TBC1D21: variants seen among roughly 807,000 people sequenced by gnomAD.
TBC1D21 encodes the protein TBC1 domain family member 21.
TBC1D21 carries 38 observed loss-of-function variants against 46.0 expected under a neutral mutation model. The observed-to-expected ratio is 0.83, with a 90% CI of 0.64 to 1.08. TBC1D21 has a LOEUF of 1.08. Ranked by LOEUF, TBC1D21 falls within the 50% of genes least tolerant of loss-of-function variation. The pLI, the probability that TBC1D21 is intolerant of heterozygous loss-of-function variation, is 0.00. For synonymous variants in TBC1D21, 151 were observed against 157.2 expected, an observed-to-expected ratio of 0.96 and a Z score of 0.29; for missense variants, 415 against 417.9, an observed-to-expected ratio of 0.99 and a Z score of 0.06.
At chr15:73,898,881 AT>A in the TBC1D21 span, among the ~76,000 whole-genome samples, 1,541 of 54,218 alleles carry the variant, frequency 0.028, 32 homozygotes, top group African/African-American at 0.052. Flanking sequence ...AAAAAAAAAA[AT>A]ATATATATAT....
rs142165869 is a variant in TBC1D21, at chr15:73,883,423, G to T, written c.273-728G>T. 3.1e-3 allele frequency among the ~76,000 whole-genome samples: 474 copies of T among 152,342 alleles called. 4 individuals carry two copies. Among genetic ancestry groups the T allele is most frequent in the South Asian group, 8.5e-3 (41 of 4,826 alleles). On this transcript the variant is annotated intron_variant, in intron 3 of 10. Transcript: ENST00000300504. Reference sequence around the variant, plus strand: ...GTGTTGGCTCCTTCCAAAGGCTCTAGGGTAGAACCCTTCCTTACCTCCCAG... The same window carrying T: ...GTGTTGGCTCCTTCCAAAGGCTCTATGGTAGAACCCTTCCTTACCTCCCAG...
chr15:73,893,055 G>A (rs921544449), downstream of TBC1D21, among the ~76,000 whole-genome samples: 2 of 152,150 alleles, frequency 1.3e-5, no homozygotes, highest in African/African-American at 4.8e-5. Flanking sequence ...TCTGGTGGTG[G>A]TAATGATGTC....
chr15:73,898,578 T>C, the TBC1D21 span, among the ~76,000 whole-genome samples: 37 of 152,130 alleles, frequency 2.4e-4, no homozygotes, highest in African/African-American at 7.2e-4. Context: ...ATTGTTTCAA[T>C]GTGGGCTGGG....
At chr15:73,881,266 A>C in intron 1 of TBC1D21, 133 bp from the exon 2 acceptor site, 1 of 639,430 alleles carries the variant, frequency 1.6e-6, no homozygotes, top group Non-Finnish European at 2.7e-6. Flanking sequence ...TAATGTCCTC[A>C]AGATAGATTT....
chr15:73,890,333 T>C (rs1421829585), downstream of TBC1D21, among the ~76,000 whole-genome samples: 1 of 152,070 alleles, frequency 6.6e-6, no homozygotes, highest in Non-Finnish European at 1.5e-5. Flanking sequence ...TGCTGGAAGG[T>C]TGAGGGGGAA....
chr15:73,898,863 C>CAAAA, the TBC1D21 span, among the ~76,000 whole-genome samples: 80 of 24,100 alleles, frequency 3.3e-3, 4 homozygotes, highest in East Asian at 8.2e-3. Flanking sequence ...GACTCCATCT[C>CAAAA]AAAAAAAAAA....
the TBC1D21 span, among the ~76,000 whole-genome samples, chr15:73,897,681 T>C: frequency 6.6e-6 from 1 of 152,206 alleles, no homozygotes; most frequent in African/African-American, 2.4e-5. Context: ...GCAATCCCTG[T>C]GCTCTGGGGC....
chr15:73,889,377 A>T (rs1295661593), downstream of TBC1D21, among the ~76,000 whole-genome samples: 1 of 152,180 alleles, frequency 6.6e-6, no homozygotes, highest in African/African-American at 2.4e-5. Context: ...CTCCTCCTTG[A>T]TGGAGGGTTT....
chr15:73,889,175 T>C lies in TBC1D21; in HGVS notation c.*74T>C. On this transcript the variant is annotated 3_prime_UTR_variant, in exon 11 of 11. Transcript: ENST00000300504. ...GGCCAGGGGCACTGGAGTGAGGGAG[T>C]AGATAAAACAGCTGCAATATAAACA... The C allele has an allele frequency of 6.6e-7, 1 of 1,514,588 alleles. No homozygotes were observed. Among genetic ancestry groups the C allele is most frequent in the Non-Finnish European group, 9.1e-7 (1 of 1,100,426 alleles). 93.8% of individuals were successfully genotyped at this position (1,514,588 alleles called of 1,614,324 possible). A position where few individuals can be genotyped will look rare whatever the true frequency, so the allele number is the denominator to read the frequency against.
At chr15:73,877,702 A>G (rs1177996360) in intron 1 of TBC1D21, among the ~76,000 whole-genome samples, 2 of 152,224 alleles carry the variant, frequency 1.3e-5, no homozygotes, top group African/African-American at 2.4e-5. Context: ...ACAATGTATA[A>G]AAAGCATAGT....
the TBC1D21 span, chr15:73,909,941 C>T: frequency 5.6e-4 from 85 of 152,326 alleles, no homozygotes; most frequent in African/African-American, 2.0e-3. Flanking sequence ...ACCCACATCC[C>T]CGCCCCTCTG....
chr15:73,886,689 T>G, intron 8 of TBC1D21, 77 bp downstream of exon 8: 1 of 1,351,458 alleles, frequency 7.4e-7, no homozygotes, highest in Non-Finnish European at 1.1e-6. Flanking sequence ...CTTCCTTGCC[T>G]CCCCCTTTCT....
chr15:73,874,835 T>TG (rs2068029488), intron 1 of TBC1D21, among the ~76,000 whole-genome samples: 1 of 152,220 alleles, frequency 6.6e-6, no homozygotes, highest in African/African-American at 2.4e-5. Flanking sequence ...AACCATTTTC[T>TG]TCATCACGGT....
the TBC1D21 span, among the ~76,000 whole-genome samples, chr15:73,904,923 C>T: frequency 3.9e-5 from 6 of 152,048 alleles, no homozygotes; most frequent in South Asian, 2.1e-4. Context: ...AAACAGAGAG[C>T]GAGAGACAGC....
chr15:73,879,358 G>A (rs576263717), intron 1 of TBC1D21, among the ~76,000 whole-genome samples: 36 of 151,996 alleles, frequency 2.4e-4, no homozygotes, highest in South Asian at 1.0e-3. Context: ...CAGGCACCCC[G>A]CCACCACACC....
At chr15:73,907,809 A>ATTGT in the TBC1D21 span, among the ~76,000 whole-genome samples, 1 of 151,984 alleles carries the variant, frequency 6.6e-6, no homozygotes, top group Non-Finnish European at 1.5e-5. Context: ...TAGACGTGAA[A>ATTGT]TTGTTTTCTA....
At chr15:73,887,577 G>C (rs2068270641) in intron 8 of TBC1D21, 43 bp from the exon 9 acceptor site, 2 of 1,579,460 alleles carry the variant, frequency 1.3e-6, no homozygotes, top group Non-Finnish European at 1.7e-6. Context: ...GGCATCTGCA[G>C]TCTCAGACCA....
intron 10 of TBC1D21, 21 bp downstream of exon 10, chr15:73,888,534 GTCCTCCTCCTCCTCTTCC>G: frequency 6.4e-7 from 1 of 1,571,186 alleles, no homozygotes; most frequent in South Asian, 1.1e-5. Flanking sequence ...CCAATGATGT[GTCCTCCTCCTCCTCTTCC>G]TCCTCCTCCT....
the TBC1D21 span, among the ~76,000 whole-genome samples, chr15:73,900,083 G>C: frequency 1.3e-5 from 2 of 152,212 alleles, no homozygotes; most frequent in African/African-American, 4.8e-5. Flanking sequence ...TGAGTTGGGT[G>C]TGGGTTTGCT....
Sources: gnomAD v4.1 joint callset for allele counts (sites outside exome capture counted in the v4.1 genomes callset) on GRCh38, gnomAD v4.1.1 for gene constraint, MANE v1.5 for transcripts, NCBI Gene and HGNC (gene_info 2026-07-23, HGNC 2026-07-21) for gene names.